The following NTNG2 variants were observed in gnomAD, a reference collection of about 807,000 sequenced individuals.
The protein encoded by NTNG2 is netrin G2.
In NTNG2, 15 loss-of-function variants were observed where a neutral mutation model predicts 47.6. That is an observed-to-expected ratio of 0.32 (90% CI 0.21 to 0.49). NTNG2 has a LOEUF of 0.49. Among genes scored for constraint, NTNG2 ranks in the 20% least tolerant of loss-of-function variants. The pLI, the probability that NTNG2 is intolerant of heterozygous loss-of-function variation, is 0.99. For missense variants in NTNG2, 578 were observed against 764.6 expected, an observed-to-expected ratio of 0.76 and a Z score of 2.88; for synonymous variants, 307 against 324.6, an observed-to-expected ratio of 0.95 and a Z score of 0.58.
At position 132,208,007 on chromosome 9, in the gene NTNG2, G is replaced by A. The variant is rs1564418532; in HGVS notation, c.857+9398G>A. On this transcript the variant is annotated intron_variant, in intron 3 of 7. Coordinates refer to ENST00000393229, the MANE Select transcript of NTNG2 (RefSeq NM_032536.4). The surrounding 1 kb of genome is among the most constrained non-coding windows in gnomAD (Gnocchi z 4.0). Reference sequence around the variant, plus strand: ...TGGTCTCAGATACCTGGGAGGCTGAGGTGGGAGGATTGCTTGAGCCCAGGA... The same window carrying A: ...TGGTCTCAGATACCTGGGAGGCTGAAGTGGGAGGATTGCTTGAGCCCAGGA... Among the ~76,000 whole-genome samples the A allele has an allele frequency of 6.6e-6, 1 of 152,164 alleles. No individual in the cohort carries two copies. Among genetic ancestry groups the A allele is most frequent in the Non-Finnish European group, 1.5e-5 (1 of 68,034 alleles).
chr9:132,240,600 G>A, intron 6 of NTNG2: 1 of 488,214 alleles, frequency 2.0e-6, no homozygotes, highest in Non-Finnish European at 3.7e-6. Flanking sequence ...TTGGAGATGG[G>A]AAGGACAGCG....
chr9:132,221,035 C>A lies in NTNG2; in HGVS notation c.858-5814C>A, dbSNP rs933756476. 6.6e-6 allele frequency among the ~76,000 whole-genome samples: 1 copy of A among 152,062 alleles called. No individual in the cohort carries two copies. The highest frequency in any genetic ancestry group is 6.6e-5 in the Admixed American group (1 of 15,254). ...CTGTAGAGCTGTTTTACAGTCCATG[C>A]GCCCATCTCCCCCAGTCATCTCGTA... On this transcript the variant is annotated intron_variant, in intron 3 of 7. Transcript: ENST00000393229. The surrounding 1 kb of genome is among the most constrained non-coding windows in gnomAD (Gnocchi z 4.2).
chr9:132,168,165 C>T (rs972287064), intron 2 of NTNG2, among the ~76,000 whole-genome samples: 2 of 152,176 alleles, frequency 1.3e-5, no homozygotes, highest in South Asian at 4.1e-4. Context: ...CAGGAGGTGG[C>T]GAAGCTGTGA....
At chr9:132,240,049 C>T (rs1841882652) in intron 6 of NTNG2, among the ~76,000 whole-genome samples, 1 of 152,262 alleles carries the variant, frequency 6.6e-6, no homozygotes, top group Non-Finnish European at 1.5e-5. Flanking sequence ...ATGGTTGCCC[C>T]TGTCGTCAGT....
At chr9:132,235,627 G>T (rs1182499776) in intron 5 of NTNG2, among the ~76,000 whole-genome samples, 1 of 152,142 alleles carries the variant, frequency 6.6e-6, no homozygotes, top group African/African-American at 2.4e-5. Context: ...GCATAACTTG[G>T]TTTCTTCTCT....
At chr9:132,211,677 C>T (rs767321328) in intron 3 of NTNG2, among the ~76,000 whole-genome samples, 1 of 152,192 alleles carries the variant, frequency 6.6e-6, no homozygotes, top group Non-Finnish European at 1.5e-5. Context: ...CAGAGAGCAC[C>T]TCTCTGGAGC....
chr9:132,174,470 G>A (rs1836254664), intron 2 of NTNG2, among the ~76,000 whole-genome samples: 1 of 152,224 alleles, frequency 6.6e-6, no homozygotes, highest in South Asian at 2.1e-4. Flanking sequence ...GCACTTCTGG[G>A]ATGTGGGACT....
intron 4 of NTNG2, among the ~76,000 whole-genome samples, chr9:132,228,449 T>A (rs568306061): frequency 6.6e-6 from 1 of 152,288 alleles, no homozygotes; most frequent in South Asian, 2.1e-4. Flanking sequence ...CTCTCTTTAG[T>A]GGCCGTCACT....
chr9:132,200,481 A>G (rs1248055051), intron 3 of NTNG2, among the ~76,000 whole-genome samples: 1 of 152,242 alleles, frequency 6.6e-6, no homozygotes, highest in Non-Finnish European at 1.5e-5. Context: ...TTGAACAGAC[A>G]TTGGCTGTAA....
chr9:132,176,394 C>T (rs1836462551), intron 2 of NTNG2, among the ~76,000 whole-genome samples: 1 of 152,184 alleles, frequency 6.6e-6, no homozygotes, highest in Admixed American at 6.5e-5. Flanking sequence ...CTTTTTGTCT[C>T]CATGAATTTA....
intron 2 of NTNG2, among the ~76,000 whole-genome samples, chr9:132,168,919 C>T (rs1835688946): frequency 6.6e-6 from 1 of 152,174 alleles, no homozygotes; most frequent in South Asian, 2.1e-4. Flanking sequence ...AAGTCCGAGG[C>T]CCTCTCCTTG....
intron 2 of NTNG2, among the ~76,000 whole-genome samples, chr9:132,167,255 G>A (rs1835560510): frequency 6.6e-6 from 1 of 152,222 alleles, no homozygotes; most frequent in Admixed American, 6.5e-5. Context: ...CTGGGGTCAT[G>A]TGACATTGTT....
rs1041956157 is a variant in NTNG2 at position 132,180,269 on chromosome 9, C to T, written c.213+13225C>T. ...GTCGGGCAAAAGGTGAAGAAGAGAC[C>T]AATGAGAGATGAGCCCACGGTGCTC... On this transcript the variant is annotated intron_variant, in intron 2 of 7. Coordinates refer to ENST00000393229, the MANE Select transcript of NTNG2 (RefSeq NM_032536.4). The surrounding 1 kb of genome is among the most constrained non-coding windows in gnomAD (Gnocchi z 4.2). Among the ~76,000 whole-genome samples, 1 of 152,216 alleles carries T rather than the reference C, an allele frequency of 6.6e-6. No homozygotes were observed. Among genetic ancestry groups the T allele is most frequent in the Non-Finnish European group, 1.5e-5 (1 of 68,036 alleles).
intron 3 of NTNG2, among the ~76,000 whole-genome samples, chr9:132,224,669 C>T (rs1031858739): frequency 2.6e-5 from 4 of 152,210 alleles, no homozygotes; most frequent in African/African-American, 9.7e-5. Flanking sequence ...CATTGCTCTG[C>T]AATTTGCTTT....
intron 3 of NTNG2, among the ~76,000 whole-genome samples, chr9:132,217,697 G>A (rs146313535): frequency 9.9e-5 from 15 of 152,244 alleles, no homozygotes; most frequent in Non-Finnish European, 1.6e-4. Context: ...TTTATAGACC[G>A]TCTCCCACTT....
chr9:132,219,321 C>A (rs934580669), intron 3 of NTNG2, among the ~76,000 whole-genome samples: 7 of 151,706 alleles, frequency 4.6e-5, no homozygotes, highest in African/African-American at 1.7e-4. Context: ...GCCTATAATC[C>A]CAGCACTTTG....
chr9:132,169,520 G>C (rs1835739119), intron 2 of NTNG2, among the ~76,000 whole-genome samples: 1 of 152,216 alleles, frequency 6.6e-6, no homozygotes. Flanking sequence ...TCTCATTTTT[G>C]GGAATAGAAA....
chr9:132,187,177 G>T (rs555574591), intron 2 of NTNG2, among the ~76,000 whole-genome samples: 6 of 152,396 alleles, frequency 3.9e-5, no homozygotes, highest in East Asian at 1.9e-4. Context: ...AGGAGCAGGG[G>T]CGGTCGCCGT....
At chr9:132,223,946 G>A (rs1388055353) in intron 3 of NTNG2, among the ~76,000 whole-genome samples, 1 of 152,130 alleles carries the variant, frequency 6.6e-6, no homozygotes, top group Non-Finnish European at 1.5e-5. Context: ...CTCACGGGTG[G>A]AACTTCTTTC....
Sources: allele counts gnomAD v4.1 joint callset (sites outside exome capture counted in the v4.1 genomes callset), GRCh38; gene constraint gnomAD v4.1.1; non-coding constraint Gnocchi (gnomAD v3.1); transcripts MANE v1.5; gene names NCBI Gene and HGNC (gene_info 2026-07-23, HGNC 2026-07-21).